Variants in DNAJC5 observed in about 807,000 individuals in gnomAD.
DNAJC5 encodes the protein DnaJ heat shock protein family (Hsp40) member C5.
Under a neutral mutation model 23.2 loss-of-function variants are expected in DNAJC5, and 1 was observed. The ratio of observed to expected loss-of-function variants is 0.04; its 90% CI spans 0.02 to 0.20. The LOEUF is 0.20. Ranked by LOEUF, DNAJC5 falls within the 10% of genes least tolerant of loss-of-function variation. DNAJC5 has a pLI of 1.00. For synonymous variants in DNAJC5, 136 were observed against 120.0 expected (o/e 1.13, Z -0.87); for missense variants, 180 against 267.0 (o/e 0.67, Z 2.27).
intron 1 of DNAJC5, among the ~76,000 whole-genome samples, chr20:63,908,553 A>C (rs1453374948): frequency 2.0e-5 from 3 of 152,194 alleles, no homozygotes; most frequent in Admixed American, 1.3e-4. Context: ...CACTAAGTAG[A>C]TATGATACTG....
Position 63,933,472 on chromosome 20 carries a change from G to A in DNAJC5, c.*1904G>A, listed in dbSNP as rs1299605898. 1 of 152,326 alleles carries A rather than the reference G, an allele frequency of 6.6e-6. No homozygotes were observed. Among genetic ancestry groups the A allele is most frequent in the South Asian group, 2.1e-4 (1 of 4,836 alleles). The allele number at this position is 152,326 out of a possible 1,614,324, so 9.4% of individuals were successfully genotyped here. ...TTTCTTTGTTTCTTCTCACTAAAATGATCACGAAGACCTTTGACAAGAGGA... is the reference window on the plus strand; with the variant it reads ...TTTCTTTGTTTCTTCTCACTAAAATAATCACGAAGACCTTTGACAAGAGGA... On this transcript the variant is annotated 3_prime_UTR_variant, in exon 5 of 5. Coordinates refer to ENST00000360864, the MANE Select transcript of DNAJC5 (RefSeq NM_025219.3).
At chr20:63,917,274 G>T (rs574323300) in intron 1 of DNAJC5, among the ~76,000 whole-genome samples, 1 of 144,774 alleles carries the variant, frequency 6.9e-6, no homozygotes, top group Admixed American at 7.2e-5. Context: ...TCTTTTTTTC[G>T]AGATGGAGTC....
chr20:63,921,201 C>T (rs555924354), intron 1 of DNAJC5, among the ~76,000 whole-genome samples: 1 of 152,270 alleles, frequency 6.6e-6, no homozygotes, highest in African/African-American at 2.4e-5. Context: ...TCAGGTGATC[C>T]GCCCTCCTCA....
intron 1 of DNAJC5, among the ~76,000 whole-genome samples, chr20:63,914,735 C>T (rs1021331343): frequency 4.0e-5 from 6 of 151,742 alleles, no homozygotes; most frequent in African/African-American, 1.5e-4. Flanking sequence ...TCTGCTTCAG[C>T]CTGCTGAGTA....
intron 1 of DNAJC5, among the ~76,000 whole-genome samples, chr20:63,923,420 C>T (rs2053587419): frequency 6.6e-6 from 1 of 151,496 alleles, no homozygotes; most frequent in Non-Finnish European, 1.5e-5. Context: ...CCAGCCTGGG[C>T]AACAGAGAAA....
chr20:63,895,926 C>G (rs1245890151), intron 1 of DNAJC5, among the ~76,000 whole-genome samples: 1 of 152,220 alleles, frequency 6.6e-6, no homozygotes, highest in Non-Finnish European at 1.5e-5. Flanking sequence ...GTATTAGGAA[C>G]TCGTCCGTTC....
At chr20:63,922,336 G>A (rs1414482270) in intron 1 of DNAJC5, among the ~76,000 whole-genome samples, 7 of 152,114 alleles carry the variant, frequency 4.6e-5, no homozygotes, top group African/African-American at 1.7e-4. Flanking sequence ...GGTGGCGCGC[G>A]CCTGTAATCC....
Position 63,931,703 on chromosome 20 carries a change from C to G in DNAJC5, c.*135C>G, listed in dbSNP as rs886056937. 5 of 863,914 alleles carry G rather than the reference C, an allele frequency of 5.8e-6. No homozygotes were observed. In the East Asian group the frequency reaches 1.3e-4, roughly 23 times the overall value. 53.5% of individuals were successfully genotyped at this position (863,914 alleles called of 1,614,324 possible). On this transcript the variant is annotated 3_prime_UTR_variant, in exon 5 of 5. Coordinates refer to ENST00000360864, the MANE Select transcript of DNAJC5 (RefSeq NM_025219.3). The surrounding 1 kb of genome is among the most constrained non-coding windows in gnomAD (Gnocchi z 9.6). ...CTTGCTGGGGCCCCTCCTGCCTCCA[C>G]GCCCACCCAGCGTCGACCCTTGACC...
chr20:63,916,339 A>T (rs1200263277), intron 1 of DNAJC5, among the ~76,000 whole-genome samples: 1 of 152,244 alleles, frequency 6.6e-6, no homozygotes, highest in East Asian at 1.9e-4. Context: ...AAGAGTACAA[A>T]GAGAGGAATT....
Position 63,934,905 on chromosome 20 carries a change from G to T in DNAJC5, c.*3337G>T, listed in dbSNP as rs938010915. The T allele has an allele frequency of 6.6e-6, 1 of 152,316 alleles. No individual in the cohort carries two copies. The highest frequency in any genetic ancestry group is 1.5e-5 in the Non-Finnish European group (1 of 68,142). The allele number at this position is 152,316 out of a possible 1,614,324, so 9.4% of individuals were successfully genotyped here. A position where few individuals can be genotyped will look rare whatever the true frequency, so the allele number is the denominator to read the frequency against. On this transcript the variant is annotated 3_prime_UTR_variant, in exon 5 of 5. Coordinates refer to ENST00000360864, the MANE Select transcript of DNAJC5 (RefSeq NM_025219.3). ...ACCAGCATGCAGGCTGCCACTGGAG[G>T]GTCCGGGTGCTGCGGGCAGAGTTCA...
chr20:63,921,814 T>C (rs1215425169), intron 1 of DNAJC5, among the ~76,000 whole-genome samples: 2 of 152,074 alleles, frequency 1.3e-5, no homozygotes, highest in African/African-American at 4.8e-5. Flanking sequence ...GGTCTCACTC[T>C]GTCACCCAGG....
chr20:63,925,536 G>T (rs1437742260), intron 1 of DNAJC5, among the ~76,000 whole-genome samples: 2 of 151,812 alleles, frequency 1.3e-5, no homozygotes, highest in Admixed American at 1.3e-4. Flanking sequence ...GAAGGATGGG[G>T]ATCAATCAGA....
At chr20:63,902,488 C>T (rs2053420103) in intron 1 of DNAJC5, among the ~76,000 whole-genome samples, 1 of 151,068 alleles carries the variant, frequency 6.6e-6, no homozygotes, top group Admixed American at 6.6e-5. Context: ...CCAGCCTCAG[C>T]CTCCTGAGTA....
chr20:63,903,432 G>C (rs2053427406), intron 1 of DNAJC5, among the ~76,000 whole-genome samples: 1 of 152,046 alleles, frequency 6.6e-6, no homozygotes, highest in East Asian at 1.9e-4. Context: ...CTCAGCCTCT[G>C]TAGCAGCTGG....
rs867367691 is a variant in DNAJC5 at position 63,929,253 on chromosome 20, C to T, written c.108-59C>T. On this transcript the variant is annotated intron_variant, in intron 2 of 4. Transcript: ENST00000360864. This position sits in a 1 kb window ranked among gnomAD's most constrained non-coding sequence, Gnocchi z 8.6. The stretch of plus-strand genomic sequence containing the variant: ...GTGCGTGCGGGTGGGATGGACGCGG[C>T]GGCGGGTGCGGGTGGAACAAAGTCC... The T allele has an allele frequency of 9.6e-6, 15 of 1,559,888 alleles. No individual in the cohort carries two copies. Among genetic ancestry groups the T allele is most frequent in the Middle Eastern group, 1.7e-4 (1 of 6,022 alleles).
intron 1 of DNAJC5, among the ~76,000 whole-genome samples, chr20:63,921,357 C>A (rs903858034): frequency 6.6e-6 from 1 of 151,990 alleles, no homozygotes; most frequent in Non-Finnish European, 1.5e-5. Context: ...TTTGGGAGGC[C>A]GAGGCTGGTG....
chr20:63,902,449 AC>A (rs1198856980), intron 1 of DNAJC5, among the ~76,000 whole-genome samples: 1 of 138,468 alleles, frequency 7.2e-6, no homozygotes, highest in African/African-American at 2.8e-5. Flanking sequence ...GCTCACCGCA[AC>A]CTCTGCCTTC....
chr20:63,930,149 G>A (rs1600886949), intron 3 of DNAJC5, among the ~76,000 whole-genome samples: 1 of 152,270 alleles, frequency 6.6e-6, no homozygotes, highest in Non-Finnish European at 1.5e-5. Context: ...TTGACTGGTC[G>A]GCCTCCTCAC....
At chr20:63,902,679 T>TG (rs1238169210) in intron 1 of DNAJC5, among the ~76,000 whole-genome samples, 1 of 144,894 alleles carries the variant, frequency 6.9e-6, no homozygotes, top group East Asian at 2.0e-4. Context: ...CATCTTGTTT[T>TG]TTTTTTTTTT....
Sources: allele counts gnomAD v4.1 joint callset (sites outside exome capture counted in the v4.1 genomes callset), GRCh38; gene constraint gnomAD v4.1.1; non-coding constraint Gnocchi (gnomAD v3.1); transcripts MANE v1.5; gene names NCBI Gene and HGNC (gene_info 2026-07-23, HGNC 2026-07-21).